The following FCHSD1 variants were observed in gnomAD, a reference collection of about 807,000 sequenced individuals.
The protein encoded by FCHSD1 is F-BAR and double SH3 domains protein 1.
A neutral mutation model predicts 101.3 loss-of-function variants in FCHSD1; 109 were observed. That is an observed-to-expected ratio of 1.08 (90% CI 0.92 to 1.26). The LOEUF is 1.26. Among genes scored for constraint, FCHSD1 ranks in the 50% most tolerant of loss-of-function variants. FCHSD1 has a pLI of 0.00. For synonymous variants in FCHSD1, 291 were observed against 356.8 expected (o/e 0.82, Z 2.08); for missense variants, 820 against 895.8 (o/e 0.92, Z 1.08).
intron 9 of FCHSD1, 70 bp downstream of exon 9, chr5:141,647,326 CAA>C (rs970012924): frequency 9.8e-5 from 153 of 1,566,212 alleles, no homozygotes; most frequent in Non-Finnish European, 1.9e-5. Context: ...ATGTGTGAAG[CAA>C]AGAGGGCTGC....
intron 7 of FCHSD1, 102 bp from the exon 8 acceptor site, chr5:141,648,198 T>G: frequency 1.4e-6 from 2 of 1,404,596 alleles, no homozygotes; most frequent in Non-Finnish European, 1.9e-6. Context: ...CATTATTGAG[T>G]GCTTACTATG....
At position 141,648,017 on chromosome 5, in the gene FCHSD1, T is replaced by C. The variant is rs2099907878; in HGVS notation, c.656A>G (p.Asn219Ser). The change falls in exon 8 of 20, where the codon AAT becomes AGT. Residue 219 changes from asparagine to serine, a missense_variant. Asn to Ser is a conservative substitution (Grantham distance 46). Coordinates refer to ENST00000435817, the MANE Select transcript of FCHSD1 (RefSeq NM_033449.3). ...NEYLLNLVAT[N>S]AHLDHYYQEE... ...CTGGTAGTAATGGTCGAGGTGGGCA[T>C]TGGTAGCCACCAAGTTAAGCAGGTA... 1 of 1,613,348 alleles carries C rather than the reference T, an allele frequency of 6.2e-7. No individual in the cohort carries two copies. The highest frequency in any genetic ancestry group is 1.1e-5 in the South Asian group (1 of 90,986).
rs377541658 is a variant in FCHSD1 at position 141,649,164 on chromosome 5, G to T, written c.512+8C>A. 55 of 1,613,728 alleles carry T rather than the reference G, an allele frequency of 3.4e-5. No individual in the cohort carries two copies. Among genetic ancestry groups the T allele is most frequent in the Non-Finnish European group, 3.9e-5 (46 of 1,179,860 alleles). ...AACCTTGGGCTTCCTCACTCTCCAT[G>T]ACCCCACCTGGCCTGGACATCAGCC... On this transcript the variant is annotated splice_region_variant and intron_variant, in intron 6 of 19. Coordinates refer to ENST00000435817, the MANE Select transcript of FCHSD1 (RefSeq NM_033449.3). The surrounding 1 kb of genome is among the most constrained non-coding windows in gnomAD (Gnocchi z 4.1).
chr5:141,644,880 T>G lies in FCHSD1; in HGVS notation c.1503A>C (p.Gly501=), dbSNP rs1416067748. ...CCACCTTGACCCATTCGTCAGCATC[T>G]CCCTCCTCTATGACCTCCAGCCACT... is the stretch of plus-strand genomic sequence containing the variant. ...EGEWLEVIEE[G]DADEWVKARN... The change falls in exon 15 of 20, where the codon GGA becomes GGC. Residue 501 remains glycine, a synonymous_variant. Coordinates refer to ENST00000435817, the MANE Select transcript of FCHSD1 (RefSeq NM_033449.3). 6.2e-7 allele frequency: 1 copy of G among 1,613,640 alleles called. No homozygotes were observed. Among genetic ancestry groups the G allele is most frequent in the South Asian group, 1.1e-5 (1 of 91,046 alleles).
chr5:141,650,308 G>A (rs2099908214), intron 3 of FCHSD1, 51 bp downstream of exon 3: 4 of 1,609,296 alleles, frequency 2.5e-6, no homozygotes, highest in Non-Finnish European at 3.4e-6. Context: ...CATTACTGGT[G>A]ATATAAGAGA....
In FCHSD1 at chr5:141,647,981, G is replaced by C; in HGVS notation, c.692C>G (p.Pro231Arg). ...HLDHYYQEEL[P>R]ALLKALVSEL... is the part of the protein sequence containing the mutation. The stretch of plus-strand genomic sequence containing the variant: ...GTTAAAACTGGCCTTGAGCAGAGCT[G>C]GCAGTTCCTCCTGGTAGTAATGGTC... The change falls in exon 8 of 20, where the codon CCA becomes CGA. Residue 231 changes from proline to arginine, a missense_variant. Coordinates refer to ENST00000435817, the MANE Select transcript of FCHSD1 (RefSeq NM_033449.3). 6.2e-7 allele frequency: 1 copy of C among 1,613,166 alleles called. No homozygotes were observed. Among genetic ancestry groups the C allele is most frequent in the African/African-American group, 1.3e-5 (1 of 75,038 alleles).
chr5:141,643,723 C>G (rs941812706), intron 17 of FCHSD1, among the ~76,000 whole-genome samples: 1 of 152,056 alleles, frequency 6.6e-6, no homozygotes, highest in Non-Finnish European at 1.5e-5. Flanking sequence ...CAGCACGTGC[C>G]TGTAATCCCA....
At chr5:141,643,219 T>TGGGA (rs1554219618) in intron 17 of FCHSD1, 131 bp from the exon 18 acceptor site, 1 of 563,496 alleles carries the variant, frequency 1.8e-6, no homozygotes, top group Admixed American at 4.0e-5. Context: ...TTGCATTCGG[T>TGGGA]GGGGGGGTGT....
chr5:141,644,955 C>T lies in FCHSD1; in HGVS notation c.1441-13G>A, dbSNP rs370915381. 2.5e-5 allele frequency: 41 copies of T among 1,613,964 alleles called. No homozygotes were observed. Among genetic ancestry groups the T allele is most frequent in the African/African-American group, 4.0e-5 (3 of 75,056 alleles). ...CCTCACGCCCTGCCTGGGCCACACA[C>T]GAAGGATTCAGGACTTGGCTGTCCC... On this transcript the variant is annotated splice_polypyrimidine_tract_variant and intron_variant, in intron 14 of 19. Coordinates refer to ENST00000435817, the MANE Select transcript of FCHSD1 (RefSeq NM_033449.3).
rs547285347 is a variant in FCHSD1 at position 141,646,684 on chromosome 5, G to C, written c.963C>G (p.Gly321=). ...VLEWGAEGVA[G]KSGLEKEVQR... is the part of the protein sequence containing the mutation. The stretch of plus-strand genomic sequence containing the variant: ...GAACCTCTTTCTCCAGGCCACTCTT[G>C]CCAGCCACGCCTTCTGCTCCCCACT... Residue 321 remains glycine (G), a synonymous_variant, in exon 11 of 20, where the codon GGC becomes GGG. Coordinates refer to ENST00000435817, the MANE Select transcript of FCHSD1 (RefSeq NM_033449.3). The C allele has an allele frequency of 6.2e-7, 1 of 1,613,252 alleles. No individual in the cohort carries two copies. The highest frequency in any genetic ancestry group is 8.5e-7 in the Non-Finnish European group (1 of 1,179,770).
Position 141,640,615 on chromosome 5 carries a change from A to G in FCHSD1, c.*883T>C, listed in dbSNP as rs2099906749. On this transcript the variant is annotated 3_prime_UTR_variant, in exon 20 of 20. Coordinates refer to ENST00000435817, the MANE Select transcript of FCHSD1 (RefSeq NM_033449.3). ...GGGAAGGTCCTGGAGCCCCAGGGGA[A>G]AAGCTGGACACAGCTTGAACAGGAA... is the stretch of plus-strand genomic sequence containing the variant. 3.2e-6 allele frequency: 5 copies of G among 1,540,612 alleles called. No homozygotes were observed. The highest frequency in any genetic ancestry group is 3.5e-6 in the Non-Finnish European group (4 of 1,144,626).
Position 141,650,378 on chromosome 5 carries a change from A to C in FCHSD1, c.146T>G (p.Ile49Ser). The change falls in exon 3 of 20, where the codon ATT (isoleucine) becomes AGT (serine). Residue 49 changes from isoleucine to serine, a missense_variant. Coordinates refer to ENST00000435817, the MANE Select transcript of FCHSD1 (RefSeq NM_033449.3). ...CCATACCTGCCCATACTCCCGTTCA[A>C]TGGCTGCCCTCTGCTTGCTGTAGGA... ...IRSYSKQRAAIEREYGQALQK... is the reference protein window; with the variant it reads ...IRSYSKQRAASEREYGQALQK... The C allele has an allele frequency of 6.2e-7, 1 of 1,613,860 alleles. No individual in the cohort carries two copies. The highest frequency in any genetic ancestry group is 1.3e-5 in the African/African-American group (1 of 74,986).
chr5:141,639,686 A>G lies in FCHSD1; in HGVS notation c.*1812T>C. 6.4e-7 allele frequency: 1 copy of G among 1,559,360 alleles called. No individual in the cohort carries two copies. The highest frequency in any genetic ancestry group is 2.3e-5 in the East Asian group (1 of 44,348). ...GCTCCAGGGAAAGGGGGGCTGAGGTAGGGGGCCCAGTGATCAGGCACCTGA... is the reference window on the plus strand; with the variant it reads ...GCTCCAGGGAAAGGGGGGCTGAGGTGGGGGGCCCAGTGATCAGGCACCTGA... On this transcript the variant is annotated 3_prime_UTR_variant, in exon 20 of 20. Transcript: ENST00000435817. The surrounding 1 kb of genome is among the most constrained non-coding windows in gnomAD (Gnocchi z 4.4).
At chr5:141,651,317 G>T in intron 1 of FCHSD1, 31 bp downstream of exon 1, 1 of 1,552,570 alleles carries the variant, frequency 6.4e-7, no homozygotes. Flanking sequence ...CCCCCAGCCC[G>T]CCAGGAGTCC....
In FCHSD1 at chr5:141,640,623, A is replaced by T. The variant is rs2099906753; in HGVS notation, c.*875T>A. On this transcript the variant is annotated 3_prime_UTR_variant, in exon 20 of 20. Transcript: ENST00000435817. ...CCTGGAGCCCCAGGGGAAAAGCTGG[A>T]CACAGCTTGAACAGGAAGCAACAGT... 6.5e-7 allele frequency: 1 copy of T among 1,539,616 alleles called. No individual in the cohort carries two copies. Among genetic ancestry groups the T allele is most frequent in the Admixed American group, 2.0e-5 (1 of 50,724 alleles).
Position 141,640,572 on chromosome 5 carries a change from G to A in FCHSD1, c.*926C>T. The A allele has an allele frequency of 1.9e-6, 3 of 1,556,892 alleles. No individual in the cohort carries two copies. Among genetic ancestry groups the A allele is most frequent in the East Asian group, 2.4e-5 (1 of 41,626 alleles). On this transcript the variant is annotated 3_prime_UTR_variant, in exon 20 of 20. Transcript: ENST00000435817. ...GCTTAGCCTTTGCTATAAATCCCTT[G>A]GTTTGGTGGTGGAGGTAGGGAAGGT...
intron 9 of FCHSD1, 52 bp downstream of exon 9, chr5:141,647,346 G>A: frequency 1.9e-6 from 3 of 1,573,336 alleles, no homozygotes; most frequent in Non-Finnish European, 2.6e-6. Flanking sequence ...TGCATTGGGA[G>A]GGAAGGGTAA....
Position 141,645,965 on chromosome 5 carries a change from TGGCTGAC to T in FCHSD1, c.1150-40_1150-34del, listed in dbSNP as rs2099907607. ...GGGGAGGAAGTAAGTTAGTGGAACC[TGGCTGAC>T]GGCAGTGTTTACTCTCTGCTTCTCC... On this transcript the variant is annotated intron_variant, in intron 12 of 19. Transcript: ENST00000435817. 3 of 1,549,304 alleles carry T rather than the reference TGGCTGAC, an allele frequency of 1.9e-6. No individual in the cohort carries two copies. In the East Asian group the frequency reaches 7.2e-5, roughly 37 times the overall value.
intron 10 of FCHSD1, 74 bp downstream of exon 10, chr5:141,647,061 A>G: frequency 7.2e-7 from 1 of 1,381,478 alleles, no homozygotes; most frequent in African/African-American, 1.4e-5. Flanking sequence ...AACACAAAAC[A>G]AAGATAATGG....
Sources: gnomAD v4.1 joint callset for allele counts (sites outside exome capture counted in the v4.1 genomes callset) on GRCh38, gnomAD v4.1.1 for gene constraint, Gnocchi (gnomAD v3.1) non-coding constraint, MANE v1.5 for transcripts, NCBI Gene and HGNC (gene_info 2026-07-23, HGNC 2026-07-21) for gene names.